Variants in OTOGL observed in about 807,000 individuals in gnomAD.
OTOGL encodes otogelin-like protein.
In OTOGL, 285 loss-of-function variants were observed where a neutral mutation model predicts 318.5. The ratio of observed to expected loss-of-function variants is 0.89; its 90% CI spans 0.81 to 0.99. OTOGL has a LOEUF of 0.99. OTOGL is among the 50% of genes least tolerant of loss of function. The probability of loss-of-function intolerance (pLI) is 0.00; values close to 1 mark genes in which losing one functional copy is unlikely to be tolerated. For synonymous variants in OTOGL, 987 were observed against 936.5 expected, an observed-to-expected ratio of 1.05 and a Z score of -0.99; for missense variants, 2,899 against 2,845.6, an observed-to-expected ratio of 1.02 and a Z score of -0.43.
intron 1 of OTOGL, among the ~76,000 whole-genome samples, chr12:80,117,294 G>A (rs1287046584): frequency 6.6e-6 from 1 of 152,048 alleles, no homozygotes; most frequent in Non-Finnish European, 1.5e-5. Context: ...GGAACTCATC[G>A]TGTTCTTTAA....
At chr12:80,163,878 A>G (rs1013277944) in intron 1 of OTOGL, among the ~76,000 whole-genome samples, 3 of 152,178 alleles carry the variant, frequency 2.0e-5, no homozygotes, top group African/African-American at 7.2e-5. Context: ...GCTGAGCCCA[A>G]GGTAAAGGAG....
rs1875648605 is a variant in OTOGL at position 80,190,899 on chromosome 12, G to C, written c.-19-18514G>C. Among the ~76,000 whole-genome samples the C allele has an allele frequency of 5.3e-5, 8 of 150,876 alleles. No homozygotes were observed. The South Asian group carries it at 1.7e-3, about 31-fold the overall frequency. Reference sequence around the variant, plus strand: ...GTTCTTCCTTTACTTTGTAGTTCATGCTTTTCCCAGAGTGGTACAGAGGAA... The same window carrying C: ...GTTCTTCCTTTACTTTGTAGTTCATCCTTTTCCCAGAGTGGTACAGAGGAA... On this transcript the variant is annotated intron_variant, in intron 1 of 58. Coordinates refer to ENST00000547103, the MANE Select transcript of OTOGL (RefSeq NM_001378609.3).
intron 4 of OTOGL, among the ~76,000 whole-genome samples, chr12:80,213,437 C>T (rs774160353): frequency 6.6e-6 from 1 of 152,132 alleles, no homozygotes; most frequent in Non-Finnish European, 1.5e-5. Flanking sequence ...GACCTCTTAT[C>T]TCATCCTGTG....
chr12:80,368,584 A>G (rs891306947), intron 55 of OTOGL, among the ~76,000 whole-genome samples: 1 of 152,146 alleles, frequency 6.6e-6, no homozygotes, highest in African/African-American at 2.4e-5. Context: ...GGAAATGCTG[A>G]TCGTGAAAGA....
intron 55 of OTOGL, among the ~76,000 whole-genome samples, chr12:80,369,649 C>A (rs1284206601): frequency 2.0e-5 from 3 of 151,964 alleles, no homozygotes; most frequent in Non-Finnish European, 4.4e-5. Context: ...ACTTGAGATT[C>A]AAAAATGTAG....
chr12:80,348,787 C>T (rs752922030), intron 44 of OTOGL, among the ~76,000 whole-genome samples: 1 of 152,160 alleles, frequency 6.6e-6, no homozygotes, highest in Admixed American at 6.6e-5. Context: ...TACAAGCTCT[C>T]TTAATATTCC....
chr12:80,149,290 C>A (rs1460869683), intron 1 of OTOGL, among the ~76,000 whole-genome samples: 1 of 151,642 alleles, frequency 6.6e-6, no homozygotes, highest in East Asian at 1.9e-4. Context: ...CCCTCAGCTG[C>A]AGGTCTGTTG....
intron 26 of OTOGL, among the ~76,000 whole-genome samples, chr12:80,284,968 ATGG>A (rs1314155771): frequency 1.3e-5 from 2 of 152,140 alleles, no homozygotes; most frequent in Admixed American, 6.5e-5. Context: ...CATGTCCTGA[ATGG>A]TATTACCTAG....
At chr12:80,310,860 CA>C in intron 30 of OTOGL, 133 bp downstream of exon 30, 2 of 628,964 alleles carry the variant, frequency 3.2e-6, no homozygotes, top group Non-Finnish European at 5.2e-6. Context: ...GTTAGGGGGG[CA>C]TATGTGTTAG....
intron 1 of OTOGL, among the ~76,000 whole-genome samples, chr12:80,207,408 T>C (rs910520233): frequency 6.6e-6 from 1 of 152,090 alleles, no homozygotes; most frequent in South Asian, 2.1e-4. Flanking sequence ...TTTTTCCATG[T>C]TGGTCAGGCT....
chr12:80,143,799 A>G (rs747431706), intron 1 of OTOGL, among the ~76,000 whole-genome samples: 9 of 152,188 alleles, frequency 5.9e-5, no homozygotes, highest in Non-Finnish European at 1.2e-4. Flanking sequence ...AATGTGCTCA[A>G]TGTTGCGTCA....
chr12:80,222,294 A>C (rs760404621), intron 7 of OTOGL, 49 bp downstream of exon 7: 28 of 1,461,412 alleles, frequency 1.9e-5, no homozygotes, highest in Admixed American at 1.3e-4. Context: ...TCTCTGGAAA[A>C]GTATGTATTT....
In OTOGL at chr12:80,219,805, C is replaced by A; in HGVS notation, c.236-9C>A. 3 of 1,353,872 alleles carry A rather than the reference C, an allele frequency of 2.2e-6. No individual in the cohort carries two copies. The highest frequency in any genetic ancestry group is 1.9e-5 in the African/African-American group (1 of 52,920). 83.9% of individuals were successfully genotyped at this position (1,353,872 alleles called of 1,614,324 possible). On this transcript the variant is annotated splice_polypyrimidine_tract_variant and intron_variant, in intron 5 of 58. Transcript: ENST00000547103. ...CAGAAGATAACTTTTTTTTTTTTTT[C>A]CCCCTCAGGTTCTTGTCCTTATGAA...
intron 1 of OTOGL, among the ~76,000 whole-genome samples, chr12:80,102,123 G>A (rs1869176277): frequency 6.6e-6 from 1 of 152,182 alleles, no homozygotes; most frequent in Admixed American, 6.5e-5. Context: ...GAATGCAGTG[G>A]TTGAGGGACT....
chr12:80,228,985 A>G (rs952220914), intron 7 of OTOGL, among the ~76,000 whole-genome samples: 1 of 152,194 alleles, frequency 6.6e-6, no homozygotes, highest in Non-Finnish European at 1.5e-5. Flanking sequence ...CTCCCAAAGC[A>G]TACCATGTAC....
chr12:80,190,786 CAAAAAA>C (rs55950528), intron 1 of OTOGL, among the ~76,000 whole-genome samples: 4 of 73,674 alleles, frequency 5.4e-5, no homozygotes, highest in African/African-American at 7.9e-5. Context: ...GACTCCGTCT[CAAAAAA>C]AAAAAAAAAA....
chr12:80,149,955 G>A (rs1340315147), intron 1 of OTOGL, among the ~76,000 whole-genome samples: 4 of 152,088 alleles, frequency 2.6e-5, no homozygotes, highest in Admixed American at 2.0e-4. Flanking sequence ...CCACTGTCTG[G>A]CACTCCCTAG....
Position 80,157,444 on chromosome 12 carries a change from G to A in OTOGL, c.-19-51969G>A, listed in dbSNP as rs149573657. Among the ~76,000 whole-genome samples the A allele has an allele frequency of 2.2e-3, 331 of 152,116 alleles. 3 individuals carry two copies. The highest frequency in any genetic ancestry group is 7.7e-3 in the African/African-American group (319 of 41,522). On this transcript the variant is annotated intron_variant, in intron 1 of 58. Transcript: ENST00000547103. The stretch of plus-strand genomic sequence containing the variant: ...TTTTTAACTCGAGATGATCCCATTT[G>A]TCCACTTTTGCTTTGGTCGCCTGTA...
At chr12:80,181,290 TCC>T (rs1874902691) in intron 1 of OTOGL, among the ~76,000 whole-genome samples, 1 of 151,976 alleles carries the variant, frequency 6.6e-6, no homozygotes, top group African/African-American at 2.4e-5. Context: ...TTTTGTTTCC[TCC>T]CCTTACCCCT....
Sources: gnomAD v4.1 joint callset for allele counts (sites outside exome capture counted in the v4.1 genomes callset) on GRCh38, gnomAD v4.1.1 for gene constraint, MANE v1.5 for transcripts, NCBI Gene and HGNC (gene_info 2026-07-23, HGNC 2026-07-21) for gene names.